The following DSCAML1 variants were observed in gnomAD, a reference collection of about 807,000 sequenced individuals.
The protein encoded by DSCAML1 is cell adhesion molecule DSCAML1.
DSCAML1 carries 38 observed loss-of-function variants against 200.5 expected under a neutral mutation model. The ratio of observed to expected loss-of-function variants is 0.19; its 90% CI spans 0.15 to 0.25. The LOEUF (loss-of-function observed/expected upper bound fraction) is 0.25. Ranked by LOEUF, DSCAML1 falls within the 10% of genes least tolerant of loss-of-function variation. DSCAML1 has a pLI of 1.00. For missense variants in DSCAML1, 2,223 were observed against 2,858.8 expected (o/e 0.78, Z 5.07); for synonymous variants, 1,215 against 1,165.0 (o/e 1.04, Z -0.87).
chr11:117,692,514 C>T (rs918845282), intron 3 of DSCAML1, among the ~76,000 whole-genome samples: 25 of 152,128 alleles, frequency 1.6e-4, no homozygotes, highest in Non-Finnish European at 7.3e-5. Flanking sequence ...TAAACTACAA[C>T]TATCACTTAG....
chr11:117,568,755 C>A (rs9795490), intron 3 of DSCAML1, among the ~76,000 whole-genome samples: 137 of 152,018 alleles, frequency 9.0e-4, no homozygotes, highest in African/African-American at 3.2e-3. Context: ...TCCATGCTCA[C>A]GGGTAGGAAG....
intron 3 of DSCAML1, among the ~76,000 whole-genome samples, chr11:117,696,349 G>A (rs931189774): frequency 6.6e-6 from 1 of 152,212 alleles, no homozygotes; most frequent in Admixed American, 6.5e-5. Flanking sequence ...ATCGAGAAAG[G>A]AAGAGACTTG....
At chr11:117,551,395 C>T (rs910733818) in intron 3 of DSCAML1, among the ~76,000 whole-genome samples, 2 of 152,182 alleles carry the variant, frequency 1.3e-5, no homozygotes, top group Non-Finnish European at 2.9e-5. Flanking sequence ...GATGAGAAAA[C>T]TGAGGCTCAG....
Position 117,472,160 on chromosome 11 carries a change from C to T in DSCAML1, c.2786-124G>A, listed in dbSNP as rs1011914884. The stretch of plus-strand genomic sequence containing the variant: ...CGAGGGGTCCAGCTCACACAGACTG[C>T]AGAGAGGGCACAGGCCTGAACAACT... On this transcript the variant is annotated intron_variant, in intron 14 of 32. Transcript: ENST00000651296. 13 of 1,055,426 alleles carry T rather than the reference C, an allele frequency of 1.2e-5. No homozygotes were observed. The Admixed American group carries it at 2.4e-4, about 19-fold the overall frequency. 65.4% of individuals were successfully genotyped at this position (1,055,426 alleles called of 1,614,324 possible). A position where few individuals can be genotyped will look rare whatever the true frequency, so the allele number is the denominator to read the frequency against.
In DSCAML1 at chr11:117,439,292, G is replaced by T; in HGVS notation, c.4118C>A (p.Thr1373Asn). Reference sequence around the variant, plus strand: ...TTGCACCAGAAGGTTGACGATGATGGTGTCAAAGCCACCAGTGTTGGTGGC... The same window carrying T: ...TTGCACCAGAAGGTTGACGATGATGTTGTCAAAGCCACCAGTGTTGGTGGC... ...CTATNTGGFDTIIVNLLVQVP... is the reference protein window; with the variant it reads ...CTATNTGGFDNIIVNLLVQVP... Residue 1373 changes from threonine (T) to asparagine (N), a missense_variant, in exon 23 of 33, where the codon ACC (threonine) becomes AAC (asparagine). Transcript: ENST00000651296. 6.2e-7 allele frequency: 1 copy of T among 1,614,096 alleles called. No individual in the cohort carries two copies. The highest frequency in any genetic ancestry group is 8.5e-7 in the Non-Finnish European group (1 of 1,179,990).
intron 3 of DSCAML1, among the ~76,000 whole-genome samples, chr11:117,585,272 A>G (rs541711911): frequency 6.6e-6 from 1 of 151,494 alleles, no homozygotes; most frequent in South Asian, 2.1e-4. Flanking sequence ...TTTTTTTGAG[A>G]TGGAGTCTTG....
chr11:117,714,692 C>T (rs1003439527), intron 3 of DSCAML1, among the ~76,000 whole-genome samples: 1 of 151,926 alleles, frequency 6.6e-6, no homozygotes, highest in African/African-American at 2.4e-5. Context: ...TGGTGGACAC[C>T]TATAATCCCA....
chr11:117,464,678 T>C (rs1044711402), intron 17 of DSCAML1, among the ~76,000 whole-genome samples: 12 of 152,028 alleles, frequency 7.9e-5, no homozygotes, highest in Non-Finnish European at 1.8e-4. Flanking sequence ...AGACAAGTGC[T>C]CAGACAGGCC....
At chr11:117,813,284 C>T (rs1442189138) in intron 1 of DSCAML1, among the ~76,000 whole-genome samples, 1 of 152,226 alleles carries the variant, frequency 6.6e-6, no homozygotes, top group Non-Finnish European at 1.5e-5. Context: ...GCCCCAGTCT[C>T]ATTCCAGACA....
chr11:117,636,256 C>T (rs1474133100), intron 3 of DSCAML1, among the ~76,000 whole-genome samples: 1 of 152,152 alleles, frequency 6.6e-6, no homozygotes, highest in Admixed American at 6.5e-5. Flanking sequence ...CTGGCCAGAA[C>T]ATTTGGGGAA....
Position 117,675,470 on chromosome 11 carries a change from ATTTTTTTTTTTT to A in DSCAML1, c.511+101309_511+101320del, listed in dbSNP as rs533948278. Among the ~76,000 whole-genome samples, 12 of 96,928 alleles carry A rather than the reference ATTTTTTTTTTTT, an allele frequency of 1.2e-4. No individual in the cohort carries two copies. The East Asian group carries it at 1.7e-3, about 13-fold the overall frequency. The allele number at this position is 96,928 out of a possible 152,430, so 63.6% of individuals were successfully genotyped here. A position where few individuals can be genotyped will look rare whatever the true frequency, so the allele number is the denominator to read the frequency against. ...GTGCCCCTATGCCTGGCTGATTGAA[ATTTTTTTTTTTT>A]TTTTTTTTTTTTTTTTTAGAGACAG... On this transcript the variant is annotated intron_variant, in intron 3 of 32. Coordinates refer to ENST00000651296, the MANE Select transcript of DSCAML1 (RefSeq NM_020693.4).
chr11:117,705,113 G>T (rs977305535), intron 3 of DSCAML1, among the ~76,000 whole-genome samples: 1 of 152,170 alleles, frequency 6.6e-6, no homozygotes, highest in Non-Finnish European at 1.5e-5. Context: ...TAAAAATAGT[G>T]TGTGCATTTG....
intron 17 of DSCAML1, 48 bp from the exon 18 acceptor site, chr11:117,461,644 G>C: frequency 1.9e-6 from 3 of 1,573,048 alleles, no homozygotes; most frequent in Non-Finnish European, 1.7e-6. Flanking sequence ...TCATGGATGT[G>C]AGTGACAGTA....
At chr11:117,429,419 T>A (rs2047737869) in intron 32 of DSCAML1, among the ~76,000 whole-genome samples, 1 of 152,242 alleles carries the variant, frequency 6.6e-6, no homozygotes, top group Admixed American at 6.5e-5. Flanking sequence ...TTTCTTTTTT[T>A]TTGAGACGGA....
At chr11:117,705,697 G>A (rs2053747933) in intron 3 of DSCAML1, among the ~76,000 whole-genome samples, 1 of 152,154 alleles carries the variant, frequency 6.6e-6, no homozygotes, top group Admixed American at 6.5e-5. Context: ...AACAGGTGAA[G>A]ATTTTCTCCT....
At chr11:117,492,462 G>A (rs1051335092) in intron 11 of DSCAML1, among the ~76,000 whole-genome samples, 1 of 152,206 alleles carries the variant, frequency 6.6e-6, no homozygotes, top group East Asian at 1.9e-4. Context: ...CCTCTCAAGG[G>A]CTCTGTGAAC....
intron 1 of DSCAML1, among the ~76,000 whole-genome samples, chr11:117,816,653 G>A (rs2055810167): frequency 6.6e-6 from 1 of 152,148 alleles, no homozygotes; most frequent in Non-Finnish European, 1.5e-5. Context: ...CCTTTCTTCA[G>A]CACAACACCC....
chr11:117,445,058 G>A (rs528609282), intron 20 of DSCAML1, among the ~76,000 whole-genome samples: 59 of 151,982 alleles, frequency 3.9e-4, no homozygotes, highest in African/African-American at 1.4e-3. Flanking sequence ...GCACACACAC[G>A]CTCACAAGCA....
chr11:117,428,699 G>C lies in DSCAML1; in HGVS notation c.5791C>G (p.Arg1931Gly). The change falls in exon 33 of 33, where the codon CGG becomes GGG. Residue 1931 changes from arginine to glycine, a missense_variant. Physicochemically the swap from Arg to Gly is moderately radical, Grantham distance 125. Transcript: ENST00000651296. ...PVVPPREASI[R>G]NLARTYHTQA... ...GTGTGGTAGGTTCGAGCCAGGTTCC[G>C]GATGGAGGCCTCACGGGGTGGGACC... 1 of 1,613,202 alleles carries C rather than the reference G, an allele frequency of 6.2e-7. No homozygotes were observed.
Sources: gnomAD v4.1 joint callset for allele counts (sites outside exome capture counted in the v4.1 genomes callset) on GRCh38, gnomAD v4.1.1 for gene constraint, MANE v1.5 for transcripts, NCBI Gene and HGNC (gene_info 2026-07-23, HGNC 2026-07-21) for gene names.